The following AKAP17A variants were observed in gnomAD, a reference collection of about 807,000 sequenced individuals.
AKAP17A encodes the protein A-kinase anchoring protein 17A.
Under a neutral mutation model 52.2 loss-of-function variants are expected in AKAP17A, and 15 were observed. The ratio of observed to expected loss-of-function variants is 0.29; its 90% CI spans 0.19 to 0.44. The LOEUF (loss-of-function observed/expected upper bound fraction) is 0.44. Ranked by LOEUF, AKAP17A falls within the 20% of genes least tolerant of loss-of-function variation. The pLI is 1.00. For missense variants in AKAP17A, 1,060 were observed against 1,007.0 expected (o/e 1.05, Z -0.71); for synonymous variants, 514 against 424.7 (o/e 1.21, Z -2.58).
Position 1,600,967 on chromosome X carries a change from CG to C in AKAP17A, c.1466del (p.Gly489AlafsTer24). Reference sequence around the variant, plus strand: ...TGAGCGCCACCACGCTGCACCCCCTCGGGGGCCAGCCCCCGGCCGGTGCCCC... The same window carrying C: ...TGAGCGCCACCACGCTGCACCCCCTCGGGGCCAGCCCCCGGCCGGTGCCCC... ...CVSATTLHPL[G>X]GQPPAGAPKE... On this transcript the variant is annotated frameshift_variant, in exon 5 of 5. Transcript: ENST00000313871. LOFTEE classifies it high-confidence loss of function. 1 of 1,590,016 alleles carries C rather than the reference CG, an allele frequency of 6.3e-7. No homozygotes were observed. Among genetic ancestry groups the C allele is most frequent in the Non-Finnish European group, 8.5e-7 (1 of 1,170,138 alleles).
chrX:1,593,865 A>G lies in AKAP17A; in HGVS notation c.403A>G (p.Lys135Glu). The G allele has an allele frequency of 2.5e-6, 4 of 1,612,806 alleles. No individual in the cohort carries two copies. The highest frequency in any genetic ancestry group is 3.4e-6 in the Non-Finnish European group (4 of 1,179,236). ...HDWDSFFRDA[K>E]DMNETLPGER... The stretch of plus-strand genomic sequence containing the variant: ...CTGGGACTCCTTCTTCCGCGACGCC[A>G]AGGACATGAACGAGACCCTGCCGGG... Residue 135 changes from lysine to glutamate, a missense_variant, in exon 2 of 5, where the codon AAG becomes GAG. Physicochemically the swap from Lys to Glu is moderately conservative, Grantham distance 56. Around this residue, in one of 2 missense-constraint regions of AKAP17A, gnomAD observed 267 missense variants for 377.1 expected, o/e 0.71. Coordinates refer to ENST00000313871, the MANE Select transcript of AKAP17A (RefSeq NM_005088.3).
At position 1,602,402 on chromosome X, in the gene AKAP17A, T is replaced by G. The variant is rs1933438705; in HGVS notation, c.*808T>G. On this transcript the variant is annotated 3_prime_UTR_variant, in exon 5 of 5. Coordinates refer to ENST00000313871, the MANE Select transcript of AKAP17A (RefSeq NM_005088.3). Reference sequence around the variant, plus strand: ...CAAACTTGTTTTATAATCGTTTGCTTCTCCAAGTGAAGCTCAGAAATACCT... The same window carrying G: ...CAAACTTGTTTTATAATCGTTTGCTGCTCCAAGTGAAGCTCAGAAATACCT... The G allele has an allele frequency of 6.6e-6, 1 of 152,252 alleles. No individual in the cohort carries two copies. Among genetic ancestry groups the G allele is most frequent in the Non-Finnish European group, 1.5e-5 (1 of 68,050 alleles). The allele number at this position is 152,252 out of a possible 1,614,324, so 9.4% of individuals were successfully genotyped here. A position where few individuals can be genotyped will look rare whatever the true frequency, so the allele number is the denominator to read the frequency against.
Position 1,601,147 on chromosome X carries a change from C to G in AKAP17A, c.1641C>G (p.Leu547=). The stretch of plus-strand genomic sequence containing the variant: ...AGAAGAGGTGCCCGGGCGGCGTCCT[C>G]TCCTGCATTCCTGACAACAACCAAC... ...SPEKRCPGGV[L]SCIPDNNQQP... is the part of the protein sequence containing the mutation. Residue 547 remains leucine (L), a synonymous_variant, in exon 5 of 5, where the codon CTC becomes CTG. Transcript: ENST00000313871. 1 of 1,613,834 alleles carries G rather than the reference C, an allele frequency of 6.2e-7. No homozygotes were observed. The highest frequency in any genetic ancestry group is 8.5e-7 in the Non-Finnish European group (1 of 1,179,730).
intron 2 of AKAP17A, 124 bp downstream of exon 2, chrX:1,594,348 C>T (rs1432352974): frequency 2.6e-6 from 3 of 1,165,902 alleles, no homozygotes. Context: ...AGTAAAATGG[C>T]AGCAACAGTC....
In AKAP17A at chrX:1,601,546, G is replaced by T. The variant is rs1199148845; in HGVS notation, c.2040G>T (p.Arg680=). 1 of 1,472,510 alleles carries T rather than the reference G, an allele frequency of 6.8e-7. No individual in the cohort carries two copies. Among genetic ancestry groups the T allele is most frequent in the South Asian group, 1.4e-5 (1 of 72,572 alleles). 91.2% of individuals were successfully genotyped at this position (1,472,510 alleles called of 1,614,324 possible). A position where few individuals can be genotyped will look rare whatever the true frequency, so the allele number is the denominator to read the frequency against. ...KHSRHRRRSE[R]SRSRSPSRHR... is the part of the protein sequence containing the mutation. ...GCCGCCACCGCCGCCGAAGCGAGCGGTCGCGCTCCCGGTCCCCGAGCAGGC... is the reference window on the plus strand; with the variant it reads ...GCCGCCACCGCCGCCGAAGCGAGCGTTCGCGCTCCCGGTCCCCGAGCAGGC... Residue 680 remains arginine, a synonymous_variant, in exon 5 of 5, where the codon CGG becomes CGT. Coordinates refer to ENST00000313871, the MANE Select transcript of AKAP17A (RefSeq NM_005088.3).
chrX:1,593,352 C>A, intron 1 of AKAP17A, 92 bp from the exon 2 acceptor site: 1 of 1,290,786 alleles, frequency 7.7e-7, no homozygotes, highest in Non-Finnish European at 1.1e-6. Context: ...TTCTCTTCTC[C>A]GGGTCCAGAA....
In AKAP17A at chrX:1,596,034, C is replaced by T. The variant is rs780239168; in HGVS notation, c.911+502C>T. Among the ~76,000 whole-genome samples the T allele has an allele frequency of 6.6e-5, 10 of 152,110 alleles. No individual in the cohort carries two copies. The East Asian group carries it at 1.2e-3, about 18-fold the overall frequency. ...GAATGTTTCTCTTTTTCTTGTCACA[C>T]GTCGTGGTCTGACACGATCTCTGCC... On this transcript the variant is annotated intron_variant, in intron 3 of 4. Transcript: ENST00000313871.
At chrX:1,599,989 T>C (rs1352474670) in intron 4 of AKAP17A, 3 of 469,266 alleles carry the variant, frequency 6.4e-6, no homozygotes, top group Non-Finnish European at 1.2e-5. Context: ...CAGGCGCGAC[T>C]GGTAACTCCC....
At chrX:1,594,247 G>T in intron 2 of AKAP17A, 23 bp downstream of exon 2, 1 of 1,503,970 alleles carries the variant, frequency 6.6e-7, no homozygotes, top group Non-Finnish European at 8.9e-7. Context: ...CACCGAGAGA[G>T]CCACGCGCTT....
At position 1,601,914 on chromosome X, in the gene AKAP17A, T is replaced by G. The variant is rs1256745815; in HGVS notation, c.*320T>G. On this transcript the variant is annotated 3_prime_UTR_variant, in exon 5 of 5. Coordinates refer to ENST00000313871, the MANE Select transcript of AKAP17A (RefSeq NM_005088.3). ...ACAGTCGTGAGGATGGCAGAGCTGC[T>G]GCATTCCCCCACACGGGGATTTCTG... 10 of 323,784 alleles carry G rather than the reference T, an allele frequency of 3.1e-5. No homozygotes were observed. The highest frequency in any genetic ancestry group is 2.8e-5 in the Non-Finnish European group (5 of 178,224). The allele number at this position is 323,784 out of a possible 1,614,324, so 20.1% of individuals were successfully genotyped here. A position where few individuals can be genotyped will look rare whatever the true frequency, so the allele number is the denominator to read the frequency against.
At chrX:1,600,045 C>G (rs762143108) in intron 4 of AKAP17A, 22 of 759,330 alleles carry the variant, frequency 2.9e-5, no homozygotes, top group South Asian at 2.4e-4. Flanking sequence ...CTCCCCAGGA[C>G]AGACGTCCCC....
At chrX:1,592,058 C>G (rs1156655956) in intron 1 of AKAP17A, among the ~76,000 whole-genome samples, 1 of 149,866 alleles carries the variant, frequency 6.7e-6, no homozygotes, top group East Asian at 2.0e-4. Context: ...AGGCCTGGAG[C>G]GGTGTCGGAG....
rs776100892 is a variant in AKAP17A at position 1,593,238 on chromosome X, C to T, written c.-19-206C>T. ...TGTTCTTTATCAGCTCGGCTCTTTC[C>T]CCTTTGGTGTACTCTTAATGATTTC... On this transcript the variant is annotated intron_variant, in intron 1 of 4. Transcript: ENST00000313871. 7.2e-5 allele frequency among the ~76,000 whole-genome samples: 11 copies of T among 152,282 alleles called. No individual in the cohort carries two copies. In the South Asian group the frequency reaches 2.3e-3, roughly 32 times the overall value.
chrX:1,598,002 C>A (rs117154245), intron 3 of AKAP17A, among the ~76,000 whole-genome samples: 1 of 152,190 alleles, frequency 6.6e-6, no homozygotes. Flanking sequence ...AGGCCCAGGG[C>A]AGCCTCCTGC....
At chrX:1,596,226 T>TAAAAAA (rs561491812) in intron 3 of AKAP17A, among the ~76,000 whole-genome samples, 2 of 133,976 alleles carry the variant, frequency 1.5e-5, no homozygotes, top group East Asian at 4.3e-4. Flanking sequence ...TGGCCAGATT[T>TAAAAAA]AAAAAAAAAA....
chrX:1,598,739 G>T (rs28656427), intron 3 of AKAP17A, among the ~76,000 whole-genome samples: 2 of 152,176 alleles, frequency 1.3e-5, no homozygotes, highest in African/African-American at 4.8e-5. Flanking sequence ...CCAGTGCTGT[G>T]TGGTGCCCTC....
chrX:1,599,051 G>A (rs1440419756), intron 3 of AKAP17A, 141 bp from the exon 4 acceptor site: 185 of 1,343,366 alleles, frequency 1.4e-4, no homozygotes, highest in African/African-American at 9.8e-4. Context: ...TGAGTCAACC[G>A]AGGTCCACCT....
Position 1,593,907 on chromosome X carries a change from A to G in AKAP17A, c.445A>G (p.Ile149Val). The stretch of plus-strand genomic sequence containing the variant: ...CCTGCCGGGGGAGCGGCCGGACACC[A>G]TCCACCTGGAGGGGCTGCCCTGCAA... ...ETLPGERPDT[I>V]HLEGLPCKWF... Residue 149 changes from isoleucine to valine, a missense_variant, in exon 2 of 5, where the codon ATC (isoleucine) becomes GTC (valine). By Grantham distance (29) the Ile-to-Val change is conservative. Coordinates refer to ENST00000313871, the MANE Select transcript of AKAP17A (RefSeq NM_005088.3). 1 of 1,611,898 alleles carries G rather than the reference A, an allele frequency of 6.2e-7. No individual in the cohort carries two copies. Among genetic ancestry groups the G allele is most frequent in the Non-Finnish European group, 8.5e-7 (1 of 1,178,734 alleles).
At chrX:1,595,080 GT>G (rs1216972006) in intron 2 of AKAP17A, among the ~76,000 whole-genome samples, 1 of 152,234 alleles carries the variant, frequency 6.6e-6, no homozygotes, top group Non-Finnish European at 1.5e-5. Context: ...GGGGAGCTGT[GT>G]CTCGCAGCGG....
Sources: allele counts gnomAD v4.1 joint callset (sites outside exome capture counted in the v4.1 genomes callset), GRCh38; gene constraint gnomAD v4.1.1; regional missense constraint gnomAD v4.1.1; transcripts MANE v1.5; gene names NCBI Gene and HGNC (gene_info 2026-07-23, HGNC 2026-07-21).